Variants in IRAK2 observed in about 807,000 individuals in gnomAD.
IRAK2 encodes interleukin 1 receptor associated kinase 2, also known as interleukin-1 receptor-associated kinase-like 2.
IRAK2 carries 57 observed loss-of-function variants against 72.0 expected under a neutral mutation model. That is an observed-to-expected ratio of 0.79 (90% CI 0.64 to 0.99). The LOEUF is 0.99. Ranked by LOEUF, IRAK2 falls within the 50% of genes least tolerant of loss-of-function variation. The pLI is 0.00. For missense variants in IRAK2, 790 were observed against 794.4 expected (o/e 0.99, Z 0.07); for synonymous variants, 293 against 312.7 (o/e 0.94, Z 0.67).
chr3:10,234,584 T>A lies in IRAK2; in HGVS notation c.1398T>A (p.Leu466=). The A allele has an allele frequency of 6.2e-7, 1 of 1,613,596 alleles. No homozygotes were observed. Among genetic ancestry groups the A allele is most frequent in the South Asian group, 1.1e-5 (1 of 91,078 alleles). ...ACCTGGAGAAGGGCGCAGGGAGGCT[T>A]CCGGAGGACTGCGCCGAGGCCCTGG... ...QKYLEKGAGR[L]PEDCAEALAT... is the part of the protein sequence containing the mutation. Residue 466 remains leucine, a synonymous_variant, in exon 11 of 13, where the codon CTT becomes CTA. Coordinates refer to ENST00000256458, the MANE Select transcript of IRAK2 (RefSeq NM_001570.4).
At position 10,222,837 on chromosome 3, in the gene IRAK2, A is replaced by G; in HGVS notation, c.1209+6A>G. The G allele has an allele frequency of 4.3e-6, 7 of 1,613,414 alleles. No homozygotes were observed. The highest frequency in any genetic ancestry group is 1.3e-5 in the African/African-American group (1 of 75,032). On this transcript the variant is annotated splice_donor_region_variant and intron_variant, in intron 9 of 12. Coordinates refer to ENST00000256458, the MANE Select transcript of IRAK2 (RefSeq NM_001570.4). ...ACATCTTCAGCTGTGGAATAGTAAGAGTGTCCTGCTCTGCGTAGAGTGGGG... is the reference window on the plus strand; with the variant it reads ...ACATCTTCAGCTGTGGAATAGTAAGGGTGTCCTGCTCTGCGTAGAGTGGGG...
chr3:10,212,228 C>T (rs1697532456), intron 4 of IRAK2, among the ~76,000 whole-genome samples: 2 of 152,278 alleles, frequency 1.3e-5, no homozygotes, highest in East Asian at 1.9e-4. Flanking sequence ...TGGTTGTGTG[C>T]AGCCCAGGAT....
At position 10,192,023 on chromosome 3, in the gene IRAK2, AGTGTGT is replaced by A. The variant is rs56802078; in HGVS notation, c.278-8313_278-8308del. 7.0e-3 allele frequency among the ~76,000 whole-genome samples: 956 copies of A among 135,782 alleles called. 6 individuals are homozygous for A. The highest frequency in any genetic ancestry group is 6.9e-3 in the Non-Finnish European group (426 of 62,092). The allele number at this position is 135,782 out of a possible 152,430, so 89.1% of individuals were successfully genotyped here. A position where few individuals can be genotyped will look rare whatever the true frequency, so the allele number is the denominator to read the frequency against. ...CATTTCAGGTCTAGCTTGAGTTGGG[AGTGTGT>A]GTGTGTGTGTGTGTGTGTGTGTGTG... On this transcript the variant is annotated intron_variant, in intron 2 of 12. Transcript: ENST00000256458.
At chr3:10,229,575 A>G (rs1366997299) in intron 10 of IRAK2, among the ~76,000 whole-genome samples, 1 of 152,176 alleles carries the variant, frequency 6.6e-6, no homozygotes, top group African/African-American at 2.4e-5. Flanking sequence ...GGGTCATATC[A>G]ATGGGCCCAT....
chr3:10,215,260 G>A (rs982983332), intron 6 of IRAK2, among the ~76,000 whole-genome samples: 2 of 151,712 alleles, frequency 1.3e-5, no homozygotes, highest in Admixed American at 6.6e-5. Context: ...CTGGTGTGTT[G>A]GCATGCACCT....
At chr3:10,234,829 G>A (rs753922133) in intron 11 of IRAK2, among the ~76,000 whole-genome samples, 170 bp downstream of exon 11, 6 of 152,252 alleles carry the variant, frequency 3.9e-5, no homozygotes, top group Non-Finnish European at 7.3e-5. Context: ...GATGGATAGT[G>A]CGGAGCCCGA....
rs377265079 is a variant in IRAK2 at position 10,216,912 on chromosome 3, C to G, written c.789-22C>G. On this transcript the variant is annotated intron_variant, in intron 6 of 12. Transcript: ENST00000256458. ...ATTCTTTCCGTCTGACTCCTCACACCTGCACTGACGCCCGATTCCAGATGC... is the reference window on the plus strand; with the variant it reads ...ATTCTTTCCGTCTGACTCCTCACACGTGCACTGACGCCCGATTCCAGATGC... The G allele has an allele frequency of 3.2e-5, 50 of 1,571,188 alleles. 1 individual carries two copies. In the African/African-American group the frequency reaches 4.5e-4, roughly 14 times the overall value.
chr3:10,236,747 T>G lies in IRAK2; in HGVS notation c.1474-2001T>G, dbSNP rs541596246. Among the ~76,000 whole-genome samples, 8 of 152,364 alleles carry G rather than the reference T, an allele frequency of 5.3e-5. No individual in the cohort carries two copies. The South Asian group carries it at 1.7e-3, about 32-fold the overall frequency. On this transcript the variant is annotated intron_variant, in intron 11 of 12. Coordinates refer to ENST00000256458, the MANE Select transcript of IRAK2 (RefSeq NM_001570.4). ...TATTCTTTCAGTAAGACTTTCATTC[T>G]TTTATTCATTCCATTATTTTGTTCA...
At chr3:10,217,118 C>T in intron 7 of IRAK2, 70 bp downstream of exon 7, 7 of 1,166,022 alleles carry the variant, frequency 6.0e-6, no homozygotes, top group Non-Finnish European at 6.5e-6. Flanking sequence ...GGGTTAAGGA[C>T]TTACAGAAGT....
At position 10,209,293 on chromosome 3, in the gene IRAK2, C is replaced by T. The variant is rs150919848; in HGVS notation, c.425-296C>T. ...GTCAAACAGATTTCCGTCTGAATTT[C>T]GGCTCTACCATCTACTGGCTGGGTG... On this transcript the variant is annotated intron_variant, in intron 3 of 12. Transcript: ENST00000256458. Among the ~76,000 whole-genome samples the T allele has an allele frequency of 1.7e-3, 262 of 152,268 alleles. 1 individual carries two copies. The highest frequency in any genetic ancestry group is 5.9e-3 in the African/African-American group (244 of 41,562).
intron 2 of IRAK2, among the ~76,000 whole-genome samples, chr3:10,187,680 G>A (rs548412995): frequency 1.6e-4 from 25 of 152,324 alleles, no homozygotes; most frequent in African/African-American, 5.8e-4. Flanking sequence ...GATACGTCCT[G>A]CAGCAAAGAA....
chr3:10,213,283 A>T lies in IRAK2; in HGVS notation c.605A>T (p.Asp202Val), dbSNP rs1275379810. The T allele has an allele frequency of 9.3e-6, 15 of 1,614,180 alleles. No homozygotes were observed. Among genetic ancestry groups the T allele is most frequent in the Non-Finnish European group, 1.3e-5 (15 of 1,180,040 alleles). ...GACAGCCTTTTCTGGAGTGAGGCAG[A>T]CGTGGTCCAGGCAACCGATGACTTC... The part of the protein sequence containing the change: ...AGDSLFWSEA[D>V]VVQATDDFNQ... The change falls in exon 5 of 13, where the codon GAC becomes GTC. Residue 202 changes from aspartate (D) to valine (V), a missense_variant. By Grantham distance (152) the Asp-to-Val change is radical. Coordinates refer to ENST00000256458, the MANE Select transcript of IRAK2 (RefSeq NM_001570.4).
At chr3:10,175,106 G>T (rs549234595) in intron 1 of IRAK2, among the ~76,000 whole-genome samples, 24 of 151,210 alleles carry the variant, frequency 1.6e-4, no homozygotes, top group African/African-American at 3.9e-4. Flanking sequence ...AAAAAAAAAA[G>T]ATTTTTAAAT....
chr3:10,205,938 G>T (rs1018963020), intron 3 of IRAK2, among the ~76,000 whole-genome samples: 2 of 152,180 alleles, frequency 1.3e-5, no homozygotes, highest in African/African-American at 4.8e-5. Context: ...GGGTGGAAGT[G>T]GCCATCACAG....
At chr3:10,232,186 AT>A (rs1697872358) in intron 10 of IRAK2, among the ~76,000 whole-genome samples, 1 of 152,098 alleles carries the variant, frequency 6.6e-6, no homozygotes, top group Non-Finnish European at 1.5e-5. Context: ...GCCCTTTTTC[AT>A]TTTGGATGTC....
At chr3:10,174,520 G>T (rs898247687) in intron 1 of IRAK2, among the ~76,000 whole-genome samples, 1 of 151,828 alleles carries the variant, frequency 6.6e-6, no homozygotes, top group African/African-American at 2.4e-5. Flanking sequence ...ATATTTTTTT[G>T]TTTTGTTTTG....
At chr3:10,207,043 G>A (rs1339836408) in intron 3 of IRAK2, among the ~76,000 whole-genome samples, 1 of 151,778 alleles carries the variant, frequency 6.6e-6, no homozygotes, top group African/African-American at 2.4e-5. Flanking sequence ...TGTAGAGATG[G>A]GGTTTTACCA....
intron 4 of IRAK2, among the ~76,000 whole-genome samples, chr3:10,210,203 G>T (rs1431979471): frequency 6.6e-6 from 1 of 152,184 alleles, no homozygotes; most frequent in Non-Finnish European, 1.5e-5. Flanking sequence ...TTACAGGCAT[G>T]AGCCACTGCA....
chr3:10,211,162 C>T (rs1289481396), intron 4 of IRAK2, among the ~76,000 whole-genome samples: 1 of 151,502 alleles, frequency 6.6e-6, no homozygotes, highest in African/African-American at 2.4e-5. Context: ...CGTGCCTGGC[C>T]AAAAAGTTTT....
Sources: gnomAD v4.1 joint callset for allele counts (sites outside exome capture counted in the v4.1 genomes callset) on GRCh38, gnomAD v4.1.1 for gene constraint, MANE v1.5 for transcripts, NCBI Gene and HGNC (gene_info 2026-07-23, HGNC 2026-07-21) for gene names.